The following ITIH2 variants were observed in gnomAD, a reference collection of about 807,000 sequenced individuals.
ITIH2 encodes inter-alpha-trypsin inhibitor heavy chain H2.
ITIH2 carries 103 observed loss-of-function variants against 104.4 expected under a neutral mutation model. The observed-to-expected ratio is 0.99, with a 90% confidence interval of 0.84 to 1.16. The LOEUF is 1.16. Among genes scored for constraint, ITIH2 ranks in the 50% most tolerant of loss-of-function variants. ITIH2 has a pLI of 0.00. For missense variants in ITIH2, 1,108 were observed against 1,162.4 expected (o/e 0.95, Z 0.68); for synonymous variants, 436 against 435.4 (o/e 1.00, Z -0.02).
chr10:7,709,288 C>A, intron 4 of ITIH2, 97 bp downstream of exon 4: 1 of 1,107,584 alleles, frequency 9.0e-7, no homozygotes, highest in East Asian at 2.4e-5. Flanking sequence ...TCAACTGTCC[C>A]AGAGGACCGG....
chr10:7,723,419 G>T, intron 8 of ITIH2, 32 bp from the exon 9 acceptor site: 1 of 1,357,300 alleles, frequency 7.4e-7, no homozygotes, highest in South Asian at 1.2e-5. Context: ...CACGAATCAT[G>T]ATTTGACTCA....
At chr10:7,723,363 CCT>C in intron 8 of ITIH2, 86 bp from the exon 9 acceptor site, 1 of 840,926 alleles carries the variant, frequency 1.2e-6, no homozygotes, top group South Asian at 1.4e-5. Flanking sequence ...CCTGTAGACC[CCT>C]CTCTTCTCTG....
chr10:7,724,739 G>A lies in ITIH2; in HGVS notation c.984+1172G>A, dbSNP rs144042525. Among the ~76,000 whole-genome samples the A allele has an allele frequency of 1.6e-3, 240 of 152,062 alleles. 1 individual carries two copies. Among genetic ancestry groups the A allele is most frequent in the African/African-American group, 4.2e-3 (173 of 41,472 alleles). On this transcript the variant is annotated intron_variant, in intron 9 of 20. Transcript: ENST00000358415. ...GGTCATTCCTTGTTGTAGGAGGGCTGTCTGGTGCATTGCAGGATACTTAGC... is the reference window on the plus strand; with the variant it reads ...GGTCATTCCTTGTTGTAGGAGGGCTATCTGGTGCATTGCAGGATACTTAGC...
chr10:7,709,112 G>A lies in ITIH2; in HGVS notation c.283G>A (p.Val95Met), dbSNP rs796974417. The change falls in exon 4 of 21, where the codon GTG (valine) becomes ATG (methionine). Residue 95 changes from valine to methionine, a missense_variant. Physicochemically the swap from Val to Met is conservative, Grantham distance 21. Transcript: ENST00000358415. ...MATTMIQSKVVNNSPQPQNVV... is the reference protein window; with the variant it reads ...MATTMIQSKVMNNSPQPQNVV... ...CACCACCATGATCCAGAGCAAAGTG[G>A]TGAACAATTCCCCGCAGCCTCAGAA... 1.1e-5 allele frequency: 18 copies of A among 1,614,068 alleles called. No individual in the cohort carries two copies. The African/African-American group carries it at 2.0e-4, about 18-fold the overall frequency.
chr10:7,707,298 T>C lies in ITIH2; in HGVS notation c.192+65T>C. 2.6e-6 allele frequency: 3 copies of C among 1,169,748 alleles called. No homozygotes were observed. In the South Asian group the frequency reaches 3.8e-5, roughly 15 times the overall value. The allele number at this position is 1,169,748 out of a possible 1,614,324, so 72.5% of individuals were successfully genotyped here. On this transcript the variant is annotated intron_variant, in intron 3 of 20. Coordinates refer to ENST00000358415, the MANE Select transcript of ITIH2 (RefSeq NM_002216.3). Reference sequence around the variant, plus strand: ...CTGTTAATAATTACCAGGAAATCAATCTGGGTGTCTCTTTTTTCTTCATCA... The same window carrying C: ...CTGTTAATAATTACCAGGAAATCAACCTGGGTGTCTCTTTTTTCTTCATCA...
At chr10:7,718,867 T>C (rs954752075) in intron 6 of ITIH2, among the ~76,000 whole-genome samples, 1 of 152,194 alleles carries the variant, frequency 6.6e-6, no homozygotes, top group Admixed American at 6.5e-5. Flanking sequence ...CCAGCCATCA[T>C]CACCGCAGGG....
At chr10:7,731,628 G>C (rs539356661) in intron 12 of ITIH2, among the ~76,000 whole-genome samples, 183 bp from the exon 13 acceptor site, 1 of 152,142 alleles carries the variant, frequency 6.6e-6, no homozygotes, top group Non-Finnish European at 1.5e-5. Context: ...GTGGGGCTGA[G>C]GTGGGATAAT....
chr10:7,736,590 T>A (rs996703762), intron 15 of ITIH2, among the ~76,000 whole-genome samples: 18 of 152,188 alleles, frequency 1.2e-4, no homozygotes, highest in African/African-American at 4.3e-4. Context: ...AATTCCCTTC[T>A]GAACCTGGTC....
At chr10:7,725,061 C>T (rs1588455626) in intron 9 of ITIH2, among the ~76,000 whole-genome samples, 2 of 152,178 alleles carry the variant, frequency 1.3e-5, no homozygotes, top group Admixed American at 1.3e-4. Context: ...AAAACGGATG[C>T]CTACCCTCTG....
chr10:7,714,022 C>T (rs74423453), intron 5 of ITIH2, among the ~76,000 whole-genome samples: 7,802 of 152,046 alleles, frequency 0.051, 577 homozygotes, highest in African/African-American at 0.17. Context: ...AGTTACTTCA[C>T]TTAGGCTTTG....
At chr10:7,748,032 C>A (rs959689668) in intron 20 of ITIH2, among the ~76,000 whole-genome samples, 45 of 151,416 alleles carry the variant, frequency 3.0e-4, no homozygotes, top group African/African-American at 1.0e-3. Flanking sequence ...TGTTGAAACC[C>A]CCCCCATCTC....
intron 14 of ITIH2, among the ~76,000 whole-genome samples, chr10:7,733,206 T>A (rs1588458347): frequency 6.6e-6 from 1 of 152,290 alleles, no homozygotes; most frequent in Non-Finnish European, 1.5e-5. Context: ...AAATTTCACA[T>A]AATCATGCAA....
chr10:7,741,908 T>C lies in ITIH2; in HGVS notation c.2096-1238T>C, dbSNP rs74121902. Among the ~76,000 whole-genome samples, 395 of 152,338 alleles carry C rather than the reference T, an allele frequency of 2.6e-3. 1 individual carries two copies. The highest frequency in any genetic ancestry group is 8.7e-3 in the African/African-American group (362 of 41,582). On this transcript the variant is annotated intron_variant, in intron 16 of 20. Coordinates refer to ENST00000358415, the MANE Select transcript of ITIH2 (RefSeq NM_002216.3). The stretch of plus-strand genomic sequence containing the variant: ...CACTCAGAATAAAATCTCTTCCTCC[T>C]TAGCCTTTTGTCTTTCCCCGCTGTC...
intron 5 of ITIH2, 36 bp from the exon 6 acceptor site, chr10:7,717,590 T>C (rs377265517): frequency 3.6e-5 from 57 of 1,598,408 alleles, no homozygotes; most frequent in Non-Finnish European, 4.5e-5. Context: ...CTCAATCATG[T>C]ATCTGTTGAC....
At chr10:7,730,856 T>A (rs572264173) in intron 12 of ITIH2, among the ~76,000 whole-genome samples, 8 of 152,204 alleles carry the variant, frequency 5.3e-5, no homozygotes, top group Non-Finnish European at 1.0e-4. Context: ...AGCTGACTTT[T>A]GTAAAAATTT....
rs1429206382 is a variant in ITIH2, at chr10:7,727,777, C to A, written c.1228C>A (p.Pro410Thr). The change falls in exon 11 of 21, where the codon CCC (proline) becomes ACC (threonine). Residue 410 changes from proline to threonine, a missense_variant. Pro to Thr is a conservative substitution (Grantham distance 38). Transcript: ENST00000358415. ...NEANNLGLLD[P>T]NSVSLIILVS... Reference sequence around the variant, plus strand: ...AGCCAATAACTTGGGACTGTTAGACCCCAACTCCGTCTCGCTGATCATTTT... The same window carrying A: ...AGCCAATAACTTGGGACTGTTAGACACCAACTCCGTCTCGCTGATCATTTT... The A allele has an allele frequency of 1.6e-5, 26 of 1,613,980 alleles. No individual in the cohort carries two copies. The highest frequency in any genetic ancestry group is 2.1e-5 in the Non-Finnish European group (25 of 1,179,976).
rs779648103 is a variant in ITIH2 at position 7,730,040 on chromosome 10, T to G, written c.1368T>G (p.Asp456Glu). Reference sequence around the variant, plus strand: ...TGTTCAGTTTGGGCATGGGATTTGATGTGGACTATGATTTTTTGAAGAGAC... The same window carrying G: ...TGTTCAGTTTGGGCATGGGATTTGAGGTGGACTATGATTTTTTGAAGAGAC... ...ISLFSLGMGFDVDYDFLKRLS... is the reference protein window; with the variant it reads ...ISLFSLGMGFEVDYDFLKRLS... Residue 456 changes from aspartate (D) to glutamate (E), a missense_variant, in exon 12 of 21, where the codon GAT becomes GAG. Asp to Glu is a conservative substitution (Grantham distance 45). Transcript: ENST00000358415. 6.2e-7 allele frequency: 1 copy of G among 1,612,980 alleles called. No individual in the cohort carries two copies. Among genetic ancestry groups the G allele is most frequent in the South Asian group, 1.1e-5 (1 of 91,010 alleles).
chr10:7,744,086 T>A lies in ITIH2; in HGVS notation c.2214T>A (p.Ile738=). 1 of 1,613,400 alleles carries A rather than the reference T, an allele frequency of 6.2e-7. No homozygotes were observed. The highest frequency in any genetic ancestry group is 1.7e-5 in the Admixed American group (1 of 59,976). The change falls in exon 18 of 21, where the codon ATT becomes ATA. Residue 738 remains isoleucine, a synonymous_variant. Transcript: ENST00000358415. Reference sequence around the variant, plus strand: ...TCATTTTTTTCTTTCCTGTAGGAATTGTAGTCAACGGTCAGCTTGTTGGTG... The same window carrying A: ...TCATTTTTTTCTTTCCTGTAGGAATAGTAGTCAACGGTCAGCTTGTTGGTG... ...LNLVSDPESG[I]VVNGQLVGAK...
chr10:7,728,764 G>C (rs1306343423), intron 11 of ITIH2, among the ~76,000 whole-genome samples: 1 of 152,106 alleles, frequency 6.6e-6, no homozygotes, highest in African/African-American at 2.4e-5. Flanking sequence ...TGTGTTGCCT[G>C]AGTGTGCTGT....
Sources: allele counts gnomAD v4.1 joint callset (sites outside exome capture counted in the v4.1 genomes callset), GRCh38; gene constraint gnomAD v4.1.1; transcripts MANE v1.5; gene names NCBI Gene and HGNC (gene_info 2026-07-23, HGNC 2026-07-21).